POLG: variants seen among roughly 807,000 people sequenced by gnomAD.
POLG encodes DNA polymerase gamma, catalytic subunit, also known as DNA polymerase subunit gamma-1.
POLG carries 110 observed loss-of-function variants against 155.4 expected under a neutral mutation model. That is an observed-to-expected ratio of 0.71 (90% CI 0.61 to 0.83). The LOEUF (loss-of-function observed/expected upper bound fraction) is 0.83, where lower values mean the gene tolerates loss of function less well. Ranked by LOEUF, POLG falls within the 40% of genes least tolerant of loss-of-function variation. The probability of loss-of-function intolerance (pLI) is 0.00; values close to 1 mark genes in which losing one functional copy is unlikely to be tolerated. For synonymous variants in POLG, 701 were observed against 631.5 expected (o/e 1.11, Z -1.65); for missense variants, 1,685 against 1,627.5 (o/e 1.04, Z -0.61).
Position 89,333,776 on chromosome 15 carries a change from G to A in POLG, c.-22C>T. On this transcript the variant is annotated 5_prime_UTR_variant, in exon 2 of 23. Transcript: ENST00000268124. ...TCATGGTTGGTGCAGGGACCCCCAC[G>A]CTGGGAGTCAGAACACCTGGCTTTG... 6.5e-7 allele frequency: 1 copy of A among 1,534,906 alleles called. No homozygotes were observed. Among genetic ancestry groups the A allele is most frequent in the Non-Finnish European group, 8.7e-7 (1 of 1,146,306 alleles).
Position 89,316,461 on chromosome 15 carries a change from T to C in POLG, c.*290A>G. The C allele has an allele frequency of 6.2e-7, 1 of 1,607,698 alleles. No individual in the cohort carries two copies. The highest frequency in any genetic ancestry group is 8.5e-7 in the Non-Finnish European group (1 of 1,176,352). On this transcript the variant is annotated 3_prime_UTR_variant, in exon 23 of 23. Coordinates refer to ENST00000268124, the MANE Select transcript of POLG (RefSeq NM_002693.3). Reference sequence around the variant, plus strand: ...GCCAAGAAGAAAAGGAAAAAATAAATGAAATGCCTGAGTTAATGTGAACTT... The same window carrying C: ...GCCAAGAAGAAAAGGAAAAAATAAACGAAATGCCTGAGTTAATGTGAACTT...
chr15:89,325,706 C>G lies in POLG; in HGVS notation c.1713-20G>C, dbSNP rs2055507868. ...TACCATCTACGTCCCAGCAGGAAGA[C>G]AGCAGTGTCACGATGGTAAGGGCAG... On this transcript the variant is annotated intron_variant, in intron 9 of 22. Coordinates refer to ENST00000268124, the MANE Select transcript of POLG (RefSeq NM_002693.3). 1.9e-6 allele frequency: 3 copies of G among 1,554,254 alleles called. No homozygotes were observed. Among genetic ancestry groups the G allele is most frequent in the Non-Finnish European group, 2.6e-6 (3 of 1,135,900 alleles).
In POLG at chr15:89,325,227, TGAGTGAGAGAGTGAGTGAGTGAGAGAGA is replaced by T. The variant is rs1567189887; in HGVS notation, c.1949+195_1949+222del. 4.8e-5 allele frequency among the ~76,000 whole-genome samples: 2 copies of T among 41,826 alleles called. 1 individual carries two copies. Among genetic ancestry groups the T allele is most frequent in the African/African-American group, 1.9e-4 (2 of 10,368 alleles). The allele number at this position is 41,826 out of a possible 152,430, so 27.4% of individuals were successfully genotyped here. A position where few individuals can be genotyped will look rare whatever the true frequency, so the allele number is the denominator to read the frequency against. ...GTGAGAGAGTGAGTGAGTGAGAGAG[TGAGTGAGAGAGTGAGTGAGTGAGAGAGA>T]GAGTGAGTGAGTGAGTGAGAGAGAG... On this transcript the variant is annotated intron_variant, in intron 10 of 22. Coordinates refer to ENST00000268124, the MANE Select transcript of POLG (RefSeq NM_002693.3).
chr15:89,324,706 C>T (rs969872339), intron 10 of POLG, among the ~76,000 whole-genome samples: 1 of 152,236 alleles, frequency 6.6e-6, no homozygotes, highest in Non-Finnish European at 1.5e-5. Flanking sequence ...CTGCCTAAAG[C>T]TCAGGGTCTG....
In POLG at chr15:89,325,539, C is replaced by T; in HGVS notation, c.1860G>A (p.Trp620Ter). Residue 620 changes from tryptophan (W) to a stop codon, truncating the protein, a stop_gained, in exon 10 of 23, where the codon TGG becomes TGA. Transcript: ENST00000268124. LOFTEE classifies it high-confidence loss of function. Reference protein sequence around the residue: ...FPLHYSERHGWGYLVPGRRDN... With the variant: ...FPLHYSERHG ...CCCGCCGCCCAGGCACCAAGTAGCCCCAGCCATGACGCTCTGAGTAGTGCA... is the reference window on the plus strand; with the variant it reads ...CCCGCCGCCCAGGCACCAAGTAGCCTCAGCCATGACGCTCTGAGTAGTGCA... 1 of 1,613,248 alleles carries T rather than the reference C, an allele frequency of 6.2e-7. No individual in the cohort carries two copies. Among genetic ancestry groups the T allele is most frequent in the South Asian group, 1.1e-5 (1 of 91,078 alleles).
intron 2 of POLG, 24 bp downstream of exon 2, chr15:89,333,072 G>C: frequency 1.3e-6 from 2 of 1,504,006 alleles, no homozygotes; most frequent in Non-Finnish European, 1.8e-6. Flanking sequence ...GCCTGCTTAT[G>C]TCCCCAACCC....
At position 89,326,635 on chromosome 15, in the gene POLG, G is replaced by C; in HGVS notation, c.1689C>G (p.Pro563=). 1 of 1,613,976 alleles carries C rather than the reference G, an allele frequency of 6.2e-7. No individual in the cohort carries two copies. The stretch of plus-strand genomic sequence containing the variant: ...ACCCAGGGTGTCCAGGAAGGTGCTG[G>C]GGCCGCTTGGGCAGGAGCTCTGTGG... ...KGTTELLPKR[P]QHLPGHPGWY... The change falls in exon 9 of 23, where the codon CCC becomes CCG. Residue 563 remains proline, a synonymous_variant. Coordinates refer to ENST00000268124, the MANE Select transcript of POLG (RefSeq NM_002693.3).
At chr15:89,328,296 G>T (rs1204561725) in intron 6 of POLG, among the ~76,000 whole-genome samples, 160 bp downstream of exon 6, 1 of 152,142 alleles carries the variant, frequency 6.6e-6, no homozygotes, top group Non-Finnish European at 1.5e-5. Flanking sequence ...CCAGAGTCCA[G>T]GGCCCAGATG....
intron 13 of POLG, 125 bp from the exon 14 acceptor site, chr15:89,323,027 T>G: frequency 1.0e-6 from 1 of 972,224 alleles, no homozygotes; most frequent in Non-Finnish European, 1.6e-6. Flanking sequence ...GGCAAATCCC[T>G]GATTGTATCA....
chr15:89,333,211 C>A lies in POLG; in HGVS notation c.544G>T (p.Gly182Trp). The change falls in exon 2 of 23, where the codon GGG (glycine) becomes TGG (tryptophan). Residue 182 changes from glycine to tryptophan, a missense_variant. Gly to Trp is a radical substitution (Grantham distance 184, BLOSUM62 -2). Coordinates refer to ENST00000268124, the MANE Select transcript of POLG (RefSeq NM_002693.3). ...GGGATGGCCACGGGTACGGCCTCCC[C>A]CTCGGGGCCGTACCGGGTCCAGCCC... ...AEGWTRYGPE[G>W]EAVPVAIPEE... The A allele has an allele frequency of 1.3e-6, 2 of 1,577,496 alleles. No homozygotes were observed. The highest frequency in any genetic ancestry group is 1.1e-5 in the South Asian group (1 of 87,592).
intron 16 of POLG, 92 bp from the exon 17 acceptor site, chr15:89,321,352 G>T: frequency 6.9e-7 from 1 of 1,459,612 alleles, no homozygotes; most frequent in South Asian, 1.2e-5. Context: ...CTTTCCTGAG[G>T]GGATGGCTTT....
At chr15:89,331,935 A>C (rs1028490993) in intron 2 of POLG, among the ~76,000 whole-genome samples, 1 of 152,194 alleles carries the variant, frequency 6.6e-6, no homozygotes, top group Non-Finnish European at 1.5e-5. Context: ...GAGGGAAAGG[A>C]GAGGTAAAAA....
intron 2 of POLG, among the ~76,000 whole-genome samples, chr15:89,331,402 T>C (rs894968966): frequency 2.0e-5 from 3 of 152,122 alleles, no homozygotes; most frequent in African/African-American, 7.2e-5. Flanking sequence ...ACAGGAACTT[T>C]GGTTACAGTA....
rs1399759075 is a variant in POLG, at chr15:89,333,770, C to T, written c.-16G>A. On this transcript the variant is annotated 5_prime_UTR_variant, in exon 2 of 23. Coordinates refer to ENST00000268124, the MANE Select transcript of POLG (RefSeq NM_002693.3). Reference sequence around the variant, plus strand: ...GGCGGCTCATGGTTGGTGCAGGGACCCCCACGCTGGGAGTCAGAACACCTG... The same window carrying T: ...GGCGGCTCATGGTTGGTGCAGGGACTCCCACGCTGGGAGTCAGAACACCTG... 1 of 1,535,012 alleles carries T rather than the reference C, an allele frequency of 6.5e-7. No homozygotes were observed.
intron 9 of POLG, 34 bp from the exon 10 acceptor site, chr15:89,325,720 T>G (rs746683732): frequency 1.3e-6 from 2 of 1,481,914 alleles, no homozygotes; most frequent in Non-Finnish European, 1.9e-6. Flanking sequence ...AGTGTCACGA[T>G]GGTAAGGGCA....
In POLG at chr15:89,318,941, A is replaced by T; in HGVS notation, c.3263T>A (p.Val1088Asp). 4 of 1,614,110 alleles carry T rather than the reference A, an allele frequency of 2.5e-6. No individual in the cohort carries two copies. Among genetic ancestry groups the T allele is most frequent in the Non-Finnish European group, 3.4e-6 (4 of 1,180,006 alleles). Residue 1088 changes from valine (V) to aspartate (D), a missense_variant, in exon 20 of 23, where the codon GTC (valine) becomes GAC (aspartate). Val to Asp is a radical substitution (Grantham distance 152). Transcript: ENST00000268124. ...AAGGTAGCAAGATACCTCTTCCTGG[A>T]CAGCCGAGGGCTCCAGGGCTCGGCT... ...CISRALEPSAVQEEFMTSRVN... is the reference protein window; with the variant it reads ...CISRALEPSADQEEFMTSRVN...
At chr15:89,327,086 C>T in intron 7 of POLG, 23 bp from the exon 8 acceptor site, 1 of 1,614,240 alleles carries the variant, frequency 6.2e-7, no homozygotes, top group Non-Finnish European at 8.5e-7. Flanking sequence ...TCCACTAGGG[C>T]AGGGCTAAGG....
intron 3 of POLG, among the ~76,000 whole-genome samples, chr15:89,329,623 A>G (rs948860021): frequency 1.3e-5 from 2 of 152,220 alleles, no homozygotes; most frequent in African/African-American, 4.8e-5. Flanking sequence ...AATTGCCACT[A>G]CTATACACCA....
rs2055630470 is a variant in POLG, at chr15:89,333,666, ACGGAGCTGGAGACCCAGCGCCC to A, written c.67_88del (p.Gly23SerfsTer236). 6.4e-7 allele frequency: 1 copy of A among 1,560,762 alleles called. No individual in the cohort carries two copies. Among genetic ancestry groups the A allele is most frequent in the Non-Finnish European group, 8.6e-7 (1 of 1,158,396 alleles). On this transcript the variant is annotated frameshift_variant, in exon 2 of 23. Coordinates refer to ENST00000268124, the MANE Select transcript of POLG (RefSeq NM_002693.3). LOFTEE classifies it high-confidence loss of function. ...CCCGTCGCTGGGGTCGGACGCGGGG[ACGGAGCTGGAGACCCAGCGCCC>A]CGGAGCTGGAACCGGCCCTGGCCCG...
Sources: allele counts gnomAD v4.1 joint callset (sites outside exome capture counted in the v4.1 genomes callset), GRCh38; gene constraint gnomAD v4.1.1; transcripts MANE v1.5; gene names NCBI Gene and HGNC (gene_info 2026-07-23, HGNC 2026-07-21).